The following PRDM9 variants were observed in gnomAD, a reference collection of about 807,000 sequenced individuals.
PRDM9 encodes the protein histone-lysine N-methyltransferase PRDM9.
PRDM9 carries 47 observed loss-of-function variants against 55.6 expected under a neutral mutation model. That is an observed-to-expected ratio of 0.85 (90% CI 0.67 to 1.08). PRDM9 has a LOEUF of 1.08. Ranked by LOEUF, PRDM9 falls within the 50% of genes least tolerant of loss-of-function variation. PRDM9 has a pLI of 0.00. For synonymous variants in PRDM9, 312 were observed against 375.7 expected (o/e 0.83, Z 1.96); for missense variants, 867 against 1,040.3 (o/e 0.83, Z 2.29).
chr5:23,524,927 T>A (rs1739403433), intron 10 of PRDM9, among the ~76,000 whole-genome samples: 1 of 152,240 alleles, frequency 6.6e-6, no homozygotes, highest in Non-Finnish European at 1.5e-5. Context: ...GTCATGTGAA[T>A]TCCTACTCAG....
At chr5:23,518,817 T>C (rs963192452) in intron 5 of PRDM9, among the ~76,000 whole-genome samples, 1 of 152,248 alleles carries the variant, frequency 6.6e-6, no homozygotes, top group Admixed American at 6.5e-5. Context: ...GCCTGCCTGC[T>C]GCCTCTTCAT....
At chr5:23,526,175 T>C (rs1259760734) in intron 10 of PRDM9, 58 bp from the exon 11 acceptor site, 1 of 1,526,626 alleles carries the variant, frequency 6.6e-7, no homozygotes, top group African/African-American at 1.4e-5. Flanking sequence ...CTTCATACCT[T>C]CATATGTGGT....
chr5:23,509,668 C>T, intron 3 of PRDM9, 75 bp downstream of exon 3: 1 of 1,609,510 alleles, frequency 6.2e-7, no homozygotes. Context: ...TATTTTAGTT[C>T]TCAGGTGGTG....
Position 23,509,032 on chromosome 5 carries a change from C to T in PRDM9, c.-2C>T, listed in dbSNP as rs763495034. 1.5e-5 allele frequency: 24 copies of T among 1,614,046 alleles called. No individual in the cohort carries two copies. In the African/African-American group the frequency reaches 2.0e-4, roughly 13 times the overall value. The stretch of plus-strand genomic sequence containing the variant: ...CAGGGCCTTCTAGACAGTCCCAGCA[C>T]CATGAGCCCTGAAAAGTCCCAAGAG... On this transcript the variant is annotated 5_prime_UTR_variant, in exon 2 of 11. Coordinates refer to ENST00000296682, the MANE Select transcript of PRDM9 (RefSeq NM_020227.4).
Position 23,522,649 on chromosome 5 carries a change from T to C in PRDM9, c.646T>C (p.Cys216Arg). 6.2e-7 allele frequency: 1 copy of C among 1,614,248 alleles called. No homozygotes were observed. Among genetic ancestry groups the C allele is most frequent in the Middle Eastern group, 1.6e-4 (1 of 6,062 alleles). Residue 216 changes from cysteine (C) to arginine (R), a missense_variant, in exon 8 of 11, where the codon TGT becomes CGT. By Grantham distance (180) the Cys-to-Arg change is radical. Transcript: ENST00000296682. ...EMCQNFFIDS[C>R]AAHGPPTFVK... ...GTGTCAGAACTTCTTCATTGACAGC[T>C]GTGCTGCCCATGGGCCCCCTACATT...
intron 4 of PRDM9, among the ~76,000 whole-genome samples, chr5:23,513,795 C>T (rs1222932363): frequency 6.6e-6 from 1 of 152,086 alleles, no homozygotes; most frequent in Non-Finnish European, 1.5e-5. Flanking sequence ...AGAAGAATCA[C>T]TTGAACCCGG....
rs551504500 is a variant in PRDM9 at position 23,527,387 on chromosome 5, C to T, written c.2299C>T (p.Gln767Ter). Residue 767 changes from glutamine to a stop codon, truncating the protein, a stop_gained, in exon 11 of 11, where the codon CAG becomes TAG. Transcript: ENST00000296682. LOFTEE classifies it low-confidence loss of function (END_TRUNC). ...CGATAAGTCACACCTCCTCAGACACCAGAGGACACACACAGGGGAGAAGCC... is the reference window on the plus strand; with the variant it reads ...CGATAAGTCACACCTCCTCAGACACTAGAGGACACACACAGGGGAGAAGCC... ...FRDKSHLLRH[Q>*]RTHTGEKPYV... 1 of 1,579,834 alleles carries T rather than the reference C, an allele frequency of 6.3e-7. No individual in the cohort carries two copies.
At chr5:23,509,864 C>T in intron 3 of PRDM9, 56 bp from the exon 4 acceptor site, 8 of 1,592,180 alleles carry the variant, frequency 5.0e-6, no homozygotes, top group Non-Finnish European at 6.9e-6. Flanking sequence ...TGCCACTGCC[C>T]TTTGTTCCTT....
At chr5:23,508,640 C>T (rs1739029958) in intron 1 of PRDM9, among the ~76,000 whole-genome samples, 1 of 152,306 alleles carries the variant, frequency 6.6e-6, no homozygotes, top group Non-Finnish European at 1.5e-5. Context: ...TCCTCTGGCT[C>T]TCACACCTCA....
chr5:23,522,241 T>C, intron 6 of PRDM9, 63 bp from the exon 7 acceptor site: 1 of 1,363,636 alleles, frequency 7.3e-7, no homozygotes, highest in South Asian at 1.2e-5. Context: ...TCACATTTTC[T>C]TATGAAACAA....
rs774868537 is a variant in PRDM9, at chr5:23,522,368, C to T, written c.573C>T (p.Tyr191=). 2 of 1,614,108 alleles carry T rather than the reference C, an allele frequency of 1.2e-6. No individual in the cohort carries two copies. The highest frequency in any genetic ancestry group is 1.7e-6 in the Non-Finnish European group (2 of 1,179,996). Residue 191 remains tyrosine, a synonymous_variant, in exon 7 of 11, where the codon TAC becomes TAT. Transcript: ENST00000296682. The part of the protein sequence containing the change: ...YSLRERKGHA[Y]KEVSEPQDDD... ...TGCGAGAAAGAAAGGGTCATGCATA[C>T]AAAGAGGTCAGCGAGCCGCAGGATG...
chr5:23,523,722 G>A (rs1173893301), intron 9 of PRDM9, among the ~76,000 whole-genome samples: 3 of 152,154 alleles, frequency 2.0e-5, no homozygotes, highest in Non-Finnish European at 4.4e-5. Context: ...ACAGAAGTGA[G>A]CTGCAGGATG....
Position 23,524,466 on chromosome 5 carries a change from C to A in PRDM9, c.1083C>A (p.Tyr361Ter). ...CELLVWYGDE[Y>*]GQELGIKWGS... The stretch of plus-strand genomic sequence containing the variant: ...TGCTGGTCTGGTATGGGGATGAATA[C>A]GGCCAGGAACTGGGCATCAAGTGGG... Residue 361 changes from tyrosine (Y) to a stop codon, truncating the protein, a stop_gained, in exon 10 of 11, where the codon TAC becomes TAA. Coordinates refer to ENST00000296682, the MANE Select transcript of PRDM9 (RefSeq NM_020227.4). LOFTEE classifies it high-confidence loss of function. 6.2e-7 allele frequency: 1 copy of A among 1,613,702 alleles called. No individual in the cohort carries two copies. Among genetic ancestry groups the A allele is most frequent in the East Asian group, 2.2e-5 (1 of 44,848 alleles).
chr5:23,521,264 C>A, intron 6 of PRDM9, 85 bp downstream of exon 6: 3 of 1,522,114 alleles, frequency 2.0e-6, no homozygotes, highest in Non-Finnish European at 2.7e-6. Flanking sequence ...GTGGGGTGGA[C>A]TTTGCATAGG....
At position 23,524,467 on chromosome 5, in the gene PRDM9, G is replaced by T; in HGVS notation, c.1084G>T (p.Gly362Cys). 4 of 1,613,888 alleles carry T rather than the reference G, an allele frequency of 2.5e-6. No homozygotes were observed. The highest frequency in any genetic ancestry group is 3.4e-6 in the Non-Finnish European group (4 of 1,179,882). Residue 362 changes from glycine to cysteine, a missense_variant, in exon 10 of 11, where the codon GGC (glycine) becomes TGC (cysteine). By Grantham distance (159) the Gly-to-Cys change is radical (BLOSUM62 -3). This residue lies in a region of PRDM9 where 662 missense variants were observed against 711.9 expected (regional missense o/e 0.93). Coordinates refer to ENST00000296682, the MANE Select transcript of PRDM9 (RefSeq NM_020227.4). ...ELLVWYGDEY[G>C]QELGIKWGSK... Reference sequence around the variant, plus strand: ...GCTGGTCTGGTATGGGGATGAATACGGCCAGGAACTGGGCATCAAGTGGGG... The same window carrying T: ...GCTGGTCTGGTATGGGGATGAATACTGCCAGGAACTGGGCATCAAGTGGGG...
In PRDM9 at chr5:23,528,020, C is replaced by A; in HGVS notation, c.*247C>A. On this transcript the variant is annotated 3_prime_UTR_variant, in exon 11 of 11. Transcript: ENST00000296682. Reference sequence around the variant, plus strand: ...CATCAGCATGTGTGGTTCTTTCCCGCACTGATCCCCTCCATTTTTTGTTTG... The same window carrying A: ...CATCAGCATGTGTGGTTCTTTCCCGAACTGATCCCCTCCATTTTTTGTTTG... 1 of 612,210 alleles carries A rather than the reference C, an allele frequency of 1.6e-6. No homozygotes were observed. The highest frequency in any genetic ancestry group is 2.8e-6 in the Non-Finnish European group (1 of 353,388). The allele number at this position is 612,210 out of a possible 1,614,324, so 37.9% of individuals were successfully genotyped here. A position where few individuals can be genotyped will look rare whatever the true frequency, so the allele number is the denominator to read the frequency against.
At chr5:23,512,914 A>T (rs1739128263) in intron 4 of PRDM9, among the ~76,000 whole-genome samples, 1 of 152,182 alleles carries the variant, frequency 6.6e-6, no homozygotes, top group Non-Finnish European at 1.5e-5. Context: ...CACTTAGCAT[A>T]ATGTCCCCAA....
chr5:23,525,189 C>T (rs1332932425), intron 10 of PRDM9, among the ~76,000 whole-genome samples: 1 of 152,184 alleles, frequency 6.6e-6, no homozygotes, highest in African/African-American at 2.4e-5. Context: ...AGTGCAAGTG[C>T]CTGTGGGCCA....
At chr5:23,522,434 G>A in intron 7 of PRDM9, 29 bp downstream of exon 7, 2 of 1,597,826 alleles carry the variant, frequency 1.3e-6, no homozygotes, top group Non-Finnish European at 8.6e-7. Context: ...CACTCACACA[G>A]CTTGCTGTTA....
Sources: gnomAD v4.1 joint callset for allele counts (sites outside exome capture counted in the v4.1 genomes callset) on GRCh38, gnomAD v4.1.1 for gene constraint, gnomAD v4.1.1 regional missense constraint, MANE v1.5 for transcripts, NCBI Gene and HGNC (gene_info 2026-07-23, HGNC 2026-07-21) for gene names.